ACACA: variants seen among roughly 807,000 people sequenced by gnomAD.
ACACA encodes the protein acetyl-CoA carboxylase alpha.
In ACACA, 103 loss-of-function variants were observed where a neutral mutation model predicts 296.1. The observed-to-expected ratio is 0.35, with a 90% confidence interval of 0.30 to 0.41. The LOEUF is 0.41. ACACA is among the 10% of genes least tolerant of loss of function. The pLI, the probability that ACACA is intolerant of heterozygous loss-of-function variation, is 1.00. For missense variants in ACACA, 1,554 were observed against 2,989.7 expected (o/e 0.52, Z 11.20); for synonymous variants, 953 against 1,038.6 (o/e 0.92, Z 1.58).
chr17:37,114,009 G>A (rs933064940), intron 50 of ACACA, among the ~76,000 whole-genome samples: 4 of 152,134 alleles, frequency 2.6e-5, no homozygotes, highest in African/African-American at 9.7e-5. Flanking sequence ...GCAGCATAGT[G>A]AGAACCTGTC....
At position 37,131,169 on chromosome 17, in the gene ACACA, G is replaced by C. The variant is rs549476479; in HGVS notation, c.5680-951C>G. ...AGGGAGTTCAGGGCCTCAATCCCTG[G>C]TATATCCCTGGAGGAATTTAATCCT... On this transcript the variant is annotated intron_variant, in intron 45 of 55. Coordinates refer to ENST00000616317, the MANE Select transcript of ACACA (RefSeq NM_198834.3). Among the ~76,000 whole-genome samples, 4 of 152,052 alleles carry C rather than the reference G, an allele frequency of 2.6e-5. No individual in the cohort carries two copies. The East Asian group carries it at 7.8e-4, about 30-fold the overall frequency.
At chr17:37,259,656 A>T (rs2081357896) in intron 11 of ACACA, 126 bp from the exon 12 acceptor site, 1 of 972,888 alleles carries the variant, frequency 1.0e-6, no homozygotes. Context: ...GCCACATGAG[A>T]GCACATTTCT....
chr17:37,274,191 A>G lies in ACACA; in HGVS notation c.1008+2T>C. ...TATCACTCCCTGGAGTTAGTAACCT[A>G]CCTGTAGCCCATCATCCACATCTTT... On this transcript the variant is annotated splice_donor_variant, in intron 9 of 55. Coordinates refer to ENST00000616317, the MANE Select transcript of ACACA (RefSeq NM_198834.3). LOFTEE classifies it high-confidence loss of function. The G allele has an allele frequency of 6.2e-7, 1 of 1,610,824 alleles. No individual in the cohort carries two copies. Among genetic ancestry groups the G allele is most frequent in the Non-Finnish European group, 8.5e-7 (1 of 1,176,944 alleles).
intron 15 of ACACA, 100 bp from the exon 16 acceptor site, chr17:37,252,208 G>C: frequency 1.1e-6 from 1 of 928,450 alleles, no homozygotes; most frequent in Non-Finnish European, 1.8e-6. Flanking sequence ...GAAACAGCTA[G>C]CAATGAAAAT....
chr17:37,352,145 C>T (rs1427648682), intron 1 of ACACA, among the ~76,000 whole-genome samples: 1 of 150,534 alleles, frequency 6.6e-6, no homozygotes, highest in Non-Finnish European at 1.5e-5. Context: ...GTCTCGATCT[C>T]CTGACCTTGT....
At chr17:37,229,328 G>A (rs1210037044) in intron 25 of ACACA, among the ~76,000 whole-genome samples, 1 of 151,806 alleles carries the variant, frequency 6.6e-6, no homozygotes, top group African/African-American at 2.4e-5. Flanking sequence ...TTTTAAGACG[G>A]AGTCTCTCTC....
chr17:37,388,274 G>A (rs537756208), intron 1 of ACACA, among the ~76,000 whole-genome samples: 17 of 152,226 alleles, frequency 1.1e-4, no homozygotes, highest in Middle Eastern at 3.4e-3. Context: ...TAGGAAAGGC[G>A]ACTTTCTAAT....
At chr17:37,369,157 C>T (rs2049711590) in intron 1 of ACACA, among the ~76,000 whole-genome samples, 1 of 152,034 alleles carries the variant, frequency 6.6e-6, no homozygotes, top group African/African-American at 2.4e-5. Flanking sequence ...TGGATTTTAC[C>T]AACATAATGT....
chr17:37,336,797 T>A (rs1268649844), intron 2 of ACACA, among the ~76,000 whole-genome samples: 39 of 152,236 alleles, frequency 2.6e-4, no homozygotes, highest in Non-Finnish European at 2.9e-5. Flanking sequence ...TAACTCACTG[T>A]AAAGTATGAA....
intron 54 of ACACA, among the ~76,000 whole-genome samples, chr17:37,090,673 T>C (rs530377265): frequency 7.2e-5 from 11 of 152,282 alleles, no homozygotes; most frequent in African/African-American, 2.4e-4. Context: ...AGGGAGAAGG[T>C]AGCACTGCTT....
chr17:37,387,499 T>C (rs959616140), intron 1 of ACACA: 65 of 151,640 alleles, frequency 4.3e-4, no homozygotes, highest in African/African-American at 1.5e-3. Context: ...CAGGCTGGAG[T>C]GCAGTAGCGT....
At chr17:37,279,605 G>A (rs1288238409) in intron 5 of ACACA, among the ~76,000 whole-genome samples, 1 of 150,740 alleles carries the variant, frequency 6.6e-6, no homozygotes, top group African/African-American at 2.4e-5. Context: ...CTGAGATCAC[G>A]CCACTGCACC....
In ACACA at chr17:37,151,426, T is replaced by A; in HGVS notation, c.5448-5A>T. Reference sequence around the variant, plus strand: ...ATAATATCTGTTATCTTGTACCTATTGGATATGGCCATGTCAAATTATGAA... The same window carrying A: ...ATAATATCTGTTATCTTGTACCTATAGGATATGGCCATGTCAAATTATGAA... On this transcript the variant is annotated splice_polypyrimidine_tract_variant and splice_region_variant and intron_variant, in intron 43 of 55. Coordinates refer to ENST00000616317, the MANE Select transcript of ACACA (RefSeq NM_198834.3). The A allele has an allele frequency of 6.2e-7, 1 of 1,613,632 alleles. No homozygotes were observed. The highest frequency in any genetic ancestry group is 1.1e-5 in the South Asian group (1 of 91,076).
At chr17:37,386,754 G>GT (rs1233571590) in intron 1 of ACACA, 1 of 152,068 alleles carries the variant, frequency 6.6e-6, no homozygotes, top group Non-Finnish European at 1.5e-5. Flanking sequence ...ACCACTGTAT[G>GT]TATAGATGGA....
intron 10 of ACACA, among the ~76,000 whole-genome samples, chr17:37,269,745 C>T (rs1475266283): frequency 1.5e-5 from 2 of 135,386 alleles, no homozygotes; most frequent in Non-Finnish European, 3.0e-5. Context: ...AAGGAGTTTG[C>T]TGCTAAGTGT....
chr17:37,169,995 T>C (rs937666651), intron 41 of ACACA, among the ~76,000 whole-genome samples: 7 of 152,202 alleles, frequency 4.6e-5, no homozygotes, highest in Non-Finnish European at 7.3e-5. Flanking sequence ...GCCTCTCTCA[T>C]GCACTGACTA....
chr17:37,178,206 G>C (rs1012158097), intron 41 of ACACA, among the ~76,000 whole-genome samples: 1 of 152,084 alleles, frequency 6.6e-6, no homozygotes, highest in Non-Finnish European at 1.5e-5. Flanking sequence ...ATAATGCATG[G>C]ACAAGAGTAT....
At chr17:37,207,568 G>C in intron 31 of ACACA, 89 bp downstream of exon 31, 1 of 1,501,140 alleles carries the variant, frequency 6.7e-7, no homozygotes, top group Non-Finnish European at 9.2e-7. Context: ...CTATTCGGGA[G>C]ACCTTTATTC....
chr17:37,123,748 T>C (rs2143087421), intron 48 of ACACA, among the ~76,000 whole-genome samples: 1 of 152,306 alleles, frequency 6.6e-6, no homozygotes, highest in East Asian at 1.9e-4. Flanking sequence ...GAGCAGGAGA[T>C]ACACAGGAGG....
Sources: gnomAD v4.1 joint callset for allele counts (sites outside exome capture counted in the v4.1 genomes callset) on GRCh38, gnomAD v4.1.1 for gene constraint, MANE v1.5 for transcripts, NCBI Gene and HGNC (gene_info 2026-07-23, HGNC 2026-07-21) for gene names.